Variants in SPON1 observed in about 807,000 individuals in gnomAD.
SPON1 encodes spondin 1, also known as spondin-1.
SPON1 carries 52 observed loss-of-function variants against 111.7 expected under a neutral mutation model. The ratio of observed to expected loss-of-function variants is 0.47; its 90% CI spans 0.37 to 0.59. The LOEUF (loss-of-function observed/expected upper bound fraction) is 0.59. Ranked by LOEUF, SPON1 falls within the 20% of genes least tolerant of loss-of-function variation. The probability of loss-of-function intolerance (pLI) is 0.00; values close to 1 mark genes in which losing one functional copy is unlikely to be tolerated. For synonymous variants in SPON1, 410 were observed against 395.8 expected (o/e 1.04, Z -0.43); for missense variants, 957 against 1,068.5 (o/e 0.90, Z 1.46).
chr11:14,103,338 C>T (rs1302513562), intron 5 of SPON1, among the ~76,000 whole-genome samples: 1 of 152,160 alleles, frequency 6.6e-6, no homozygotes, highest in East Asian at 1.9e-4. Context: ...ATTCGTTTAT[C>T]CCTGTCTCTC....
At chr11:14,171,688 T>G (rs1270197480) in intron 6 of SPON1, among the ~76,000 whole-genome samples, 2 of 152,194 alleles carry the variant, frequency 1.3e-5, no homozygotes, top group Non-Finnish European at 2.9e-5. Context: ...TCTGGTATGT[T>G]GTGTCTTTGT....
chr11:13,963,492 T>C (rs1847991524), intron 1 of SPON1, among the ~76,000 whole-genome samples: 1 of 152,150 alleles, frequency 6.6e-6, no homozygotes. Context: ...AAAACTGCCT[T>C]TCTCCAAATC....
chr11:14,162,197 A>AG (rs1468685869), intron 6 of SPON1, among the ~76,000 whole-genome samples: 3 of 55,852 alleles, frequency 5.4e-5, no homozygotes, highest in African/African-American at 1.6e-4. Flanking sequence ...AGGTTTTCTT[A>AG]AAATATAAAA....
At chr11:14,040,752 A>G (rs1397055200) in intron 2 of SPON1, among the ~76,000 whole-genome samples, 2 of 152,182 alleles carry the variant, frequency 1.3e-5, no homozygotes, top group African/African-American at 4.8e-5. Flanking sequence ...TGCTATCAAC[A>G]CTATTCATGA....
chr11:14,173,785 A>T (rs905461682), intron 6 of SPON1, among the ~76,000 whole-genome samples: 5 of 152,166 alleles, frequency 3.3e-5, no homozygotes, highest in African/African-American at 1.2e-4. Context: ...GGGTGTCAGC[A>T]GTGGTGGCTG....
At chr11:14,246,682 C>A (rs1487689207) in intron 7 of SPON1, among the ~76,000 whole-genome samples, 1 of 151,982 alleles carries the variant, frequency 6.6e-6, no homozygotes, top group Non-Finnish European at 1.5e-5. Context: ...AGGGTCCCCC[C>A]AAAAAAAGTC....
chr11:14,160,935 ATATATATATTTATATATT>A (rs1847935721), intron 6 of SPON1, among the ~76,000 whole-genome samples: 2 of 11,920 alleles, frequency 1.7e-4, no homozygotes, highest in Non-Finnish European at 3.0e-4. Flanking sequence ...TTATATATTT[ATATATATATTTATATATT>A]TATATATATT....
intron 5 of SPON1, among the ~76,000 whole-genome samples, chr11:14,129,325 TG>T (rs2133857729): frequency 6.6e-6 from 1 of 152,350 alleles, no homozygotes; most frequent in East Asian, 1.9e-4. Flanking sequence ...TTAAATGCTT[TG>T]CTACTTAGAA....
At chr11:13,995,805 C>A (rs2133789795) in intron 2 of SPON1, among the ~76,000 whole-genome samples, 1 of 152,214 alleles carries the variant, frequency 6.6e-6, no homozygotes, top group East Asian at 1.9e-4. Flanking sequence ...CCTCTGTTTA[C>A]CCTAGGGAAA....
intron 3 of SPON1, among the ~76,000 whole-genome samples, chr11:14,043,380 A>G (rs1554917515): frequency 6.6e-6 from 1 of 152,162 alleles, no homozygotes; most frequent in East Asian, 1.9e-4. Flanking sequence ...TCTGAGTTGA[A>G]AGTTGGGGAG....
Position 14,037,529 on chromosome 11 carries a change from G to GA in SPON1, c.346-3981dup, listed in dbSNP as rs34072683. 2.7e-3 allele frequency among the ~76,000 whole-genome samples: 391 copies of GA among 147,018 alleles called. 4 individuals are homozygous for GA. Among genetic ancestry groups the GA allele is most frequent in the African/African-American group, 7.3e-3 (294 of 40,288 alleles). ...TGAAACAACTGCATATCCACATGTA[G>GA]AAAAAAAAAAAGAATCTAGACATAG... On this transcript the variant is annotated intron_variant, in intron 2 of 15. Coordinates refer to ENST00000576479, the MANE Select transcript of SPON1 (RefSeq NM_006108.4).
intron 6 of SPON1, among the ~76,000 whole-genome samples, chr11:14,199,759 C>T (rs537419401): frequency 2.0e-5 from 3 of 152,330 alleles, no homozygotes; most frequent in African/African-American, 4.8e-5. Context: ...CGCTCATGCA[C>T]GGTTCTGAGC....
intron 5 of SPON1, among the ~76,000 whole-genome samples, chr11:14,131,301 G>T (rs749702245): frequency 1.3e-5 from 2 of 152,130 alleles, no homozygotes; most frequent in Non-Finnish European, 1.5e-5. Flanking sequence ...GATTCCTTAA[G>T]CTCTCTGGGC....
At position 14,194,528 on chromosome 11, in the gene SPON1, TCACACACA is replaced by T. The variant is rs372569370; in HGVS notation, c.826-48772_826-48765del. Among the ~76,000 whole-genome samples, 24 of 106,890 alleles carry T rather than the reference TCACACACA, an allele frequency of 2.2e-4. No homozygotes were observed. The East Asian group carries it at 3.7e-3, about 17-fold the overall frequency. 70.1% of individuals were successfully genotyped at this position (106,890 alleles called of 152,430 possible). A position where few individuals can be genotyped will look rare whatever the true frequency, so the allele number is the denominator to read the frequency against. ...GAACTAATGGGAATCTAGGCCTACTTCACACACACACACACACACACACACACACACAC... is the reference window on the plus strand; with the variant it reads ...GAACTAATGGGAATCTAGGCCTACTTCACACACACACACACACACACACAC... On this transcript the variant is annotated intron_variant, in intron 6 of 15. Coordinates refer to ENST00000576479, the MANE Select transcript of SPON1 (RefSeq NM_006108.4).
At position 14,107,417 on chromosome 11, in the gene SPON1, C is replaced by T. The variant is rs75700716; in HGVS notation, c.676+27396C>T. 7.0e-4 allele frequency among the ~76,000 whole-genome samples: 106 copies of T among 152,220 alleles called. 1 individual carries two copies. The East Asian group carries it at 0.017, about 25-fold the overall frequency. ...ATCTGTCCGGCTGTCCGTACTCCAG[C>T]GGACATGGATTCCTTTGCTTTGCTT... On this transcript the variant is annotated intron_variant, in intron 5 of 15. Transcript: ENST00000576479.
chr11:14,260,621 A>G lies in SPON1; in HGVS notation c.1865A>G (p.Glu622Gly). 1.9e-6 allele frequency: 3 copies of G among 1,613,890 alleles called. No homozygotes were observed. Among genetic ancestry groups the G allele is most frequent in the South Asian group, 1.1e-5 (1 of 91,076 alleles). ...TIPCLLSPWS[E>G]WSDCSVTCGK... The stretch of plus-strand genomic sequence containing the variant: ...CCATGCTTGCTGTCCCCATGGTCCG[A>G]GTGGAGTGACTGCAGCGTGACCTGC... The change falls in exon 14 of 16, where the codon GAG becomes GGG. Residue 622 changes from glutamate (E) to glycine (G), a missense_variant. Physicochemically the swap from Glu to Gly is moderately conservative, Grantham distance 98. This residue lies in a region of SPON1 where 549 missense variants were observed against 606.2 expected (regional missense o/e 0.91). Coordinates refer to ENST00000576479, the MANE Select transcript of SPON1 (RefSeq NM_006108.4).
At chr11:14,028,355 G>A (rs975779828) in intron 2 of SPON1, among the ~76,000 whole-genome samples, 10 of 151,968 alleles carry the variant, frequency 6.6e-5, no homozygotes, top group South Asian at 6.2e-4. Flanking sequence ...GCATGGTGGC[G>A]TGTGCCTGTG....
chr11:14,090,824 G>GCCCCCCCCCCCCCCCCCCCCCCC (rs1176498162), intron 5 of SPON1, among the ~76,000 whole-genome samples: 1 of 45,580 alleles, frequency 2.2e-5, no homozygotes, highest in Non-Finnish European at 3.9e-5. Flanking sequence ...CTCTTATCTG[G>GCCCCCCCCCCCCCCCCCCCCCCC]CCCCCCCCCC....
At chr11:14,034,965 C>G (rs1848583515) in intron 2 of SPON1, among the ~76,000 whole-genome samples, 1 of 152,370 alleles carries the variant, frequency 6.6e-6, no homozygotes, top group East Asian at 1.9e-4. Flanking sequence ...AGGGTCCTCA[C>G]TGGACTCACT....
Sources: allele counts gnomAD v4.1 joint callset (sites outside exome capture counted in the v4.1 genomes callset), GRCh38; gene constraint gnomAD v4.1.1; regional missense constraint gnomAD v4.1.1; transcripts MANE v1.5; gene names NCBI Gene and HGNC (gene_info 2026-07-23, HGNC 2026-07-21).